FBXO3: variants seen among roughly 807,000 people sequenced by gnomAD.
FBXO3 encodes the protein F-box protein 3.
FBXO3 carries 17 observed loss-of-function variants against 64.8 expected under a neutral mutation model. The ratio of observed to expected loss-of-function variants is 0.26; its 90% CI spans 0.18 to 0.39. The LOEUF (loss-of-function observed/expected upper bound fraction) is 0.39, where lower values mean the gene tolerates loss of function less well. FBXO3 is among the 10% of genes least tolerant of loss of function. The pLI is 1.00. For synonymous variants in FBXO3, 182 were observed against 201.6 expected, an observed-to-expected ratio of 0.90 and a Z score of 0.82; for missense variants, 420 against 589.9, an observed-to-expected ratio of 0.71 and a Z score of 2.98.
intron 8 of FBXO3, among the ~76,000 whole-genome samples, chr11:33,750,321 C>T (rs1199307578): frequency 6.6e-6 from 1 of 152,190 alleles, no homozygotes; most frequent in Non-Finnish European, 1.5e-5. Context: ...ATACTTGATA[C>T]CCAGTATATT....
intron 8 of FBXO3, 53 bp downstream of exon 8, chr11:33,750,486 C>T: frequency 6.3e-7 from 1 of 1,593,770 alleles, no homozygotes. Context: ...GCAACATGTC[C>T]ATTGGATATA....
At chr11:33,773,113 C>A (rs1564997339) in intron 1 of FBXO3, 1 of 152,006 alleles carries the variant, frequency 6.6e-6, no homozygotes, top group Non-Finnish European at 1.5e-5. Context: ...CTTAGATATA[C>A]AAGCCAGATG....
At chr11:33,758,402 G>C (rs1855160702) in intron 4 of FBXO3, 85 bp downstream of exon 4, 3 of 914,964 alleles carry the variant, frequency 3.3e-6, no homozygotes, top group Non-Finnish European at 4.9e-6. Context: ...AATTTGTTAA[G>C]GGTAACTACA....
intron 10 of FBXO3, chr11:33,745,053 A>C (rs1199975409): frequency 6.6e-6 from 1 of 152,168 alleles, no homozygotes; most frequent in Non-Finnish European, 1.5e-5. Context: ...GCCTGCCAAA[A>C]CACACCTCAA....
At chr11:33,751,998 A>G (rs756752747) in intron 6 of FBXO3, among the ~76,000 whole-genome samples, 4 of 152,274 alleles carry the variant, frequency 2.6e-5, no homozygotes, top group Non-Finnish European at 5.9e-5. Context: ...CAAGAAAAAT[A>G]TCAGCACCTA....
At chr11:33,771,368 C>T (rs1522088) in intron 1 of FBXO3, 5,786 of 152,306 alleles carry the variant, frequency 0.038, 249 homozygotes, top group East Asian at 0.18. Context: ...GTGCCTGAAT[C>T]GTAACAGTTC....
intron 8 of FBXO3, among the ~76,000 whole-genome samples, chr11:33,749,108 T>C (rs749107222): frequency 4.6e-5 from 7 of 152,236 alleles, no homozygotes; most frequent in Non-Finnish European, 7.3e-5. Context: ...ACTCAACTTA[T>C]GCATTTGACT....
chr11:33,763,097 G>A, intron 3 of FBXO3: 1 of 198,104 alleles, frequency 5.0e-6, no homozygotes, highest in Non-Finnish European at 1.1e-5. Context: ...ATCTAATAAA[G>A]GAATTGAATC....
At chr11:33,767,455 A>G (rs567086746) in intron 3 of FBXO3, among the ~76,000 whole-genome samples, 1 of 152,200 alleles carries the variant, frequency 6.6e-6, no homozygotes, top group Non-Finnish European at 1.5e-5. Context: ...GCATGCCACC[A>G]CGCCTGGCTA....
At chr11:33,748,350 A>C (rs1339544037) in intron 9 of FBXO3, among the ~76,000 whole-genome samples, 3 of 152,240 alleles carry the variant, frequency 2.0e-5, no homozygotes, top group Non-Finnish European at 4.4e-5. Flanking sequence ...TCAAACCTGA[A>C]GCATCTGAGG....
At chr11:33,768,753 C>T in intron 3 of FBXO3, 98 bp downstream of exon 3, 2 of 1,426,970 alleles carry the variant, frequency 1.4e-6, no homozygotes, top group Non-Finnish European at 2.0e-6. Flanking sequence ...GTTGGGTTAA[C>T]ACAGTTGCGT....
At chr11:33,765,127 A>G (rs757965103) in intron 3 of FBXO3, among the ~76,000 whole-genome samples, 11 of 152,182 alleles carry the variant, frequency 7.2e-5, no homozygotes, top group Non-Finnish European at 1.0e-4. Flanking sequence ...AAATCGGGGG[A>G]AATTCAAGTG....
At chr11:33,760,488 A>C (rs1252818913) in intron 3 of FBXO3, among the ~76,000 whole-genome samples, 1 of 151,524 alleles carries the variant, frequency 6.6e-6, no homozygotes, top group Non-Finnish European at 1.5e-5. Context: ...AAAAAAAAAA[A>C]CCTTAAAAAT....
chr11:33,769,540 C>G (rs138403881), intron 2 of FBXO3, among the ~76,000 whole-genome samples: 1 of 152,066 alleles, frequency 6.6e-6, no homozygotes, highest in Non-Finnish European at 1.5e-5. Flanking sequence ...AAATAAGGCA[C>G]ATTTTTTACC....
At chr11:33,768,711 T>C (rs754247969) in intron 3 of FBXO3, 140 bp downstream of exon 3, 19 of 972,110 alleles carry the variant, frequency 2.0e-5, no homozygotes, top group Non-Finnish European at 2.8e-5. Context: ...CCTACTTCCA[T>C]GGCCAAATAT....
intron 4 of FBXO3, among the ~76,000 whole-genome samples, chr11:33,757,569 A>G (rs1027773066): frequency 1.4e-5 from 2 of 142,736 alleles, no homozygotes; most frequent in Non-Finnish European, 3.0e-5. Context: ...TTGTAGCCCC[A>G]GCTACTTGGG....
chr11:33,774,326 C>A, intron 1 of FBXO3, 68 bp downstream of exon 1: 1 of 1,352,280 alleles, frequency 7.4e-7, no homozygotes, highest in South Asian at 1.3e-5. Flanking sequence ...GCCCCGACCC[C>A]CTTTCCCCCT....
At chr11:33,762,655 T>G (rs1339260696) in intron 3 of FBXO3, among the ~76,000 whole-genome samples, 3 of 151,238 alleles carry the variant, frequency 2.0e-5, no homozygotes, top group African/African-American at 7.3e-5. Context: ...AGTGGGAAAT[T>G]TAGAGCTCTA....
intron 3 of FBXO3, among the ~76,000 whole-genome samples, chr11:33,759,267 C>T (rs1855185513): frequency 6.6e-6 from 1 of 152,146 alleles, no homozygotes; most frequent in Admixed American, 6.5e-5. Context: ...AAGAGAGAGA[C>T]TGAGAGGTGG....
Sources: allele counts gnomAD v4.1 joint callset (sites outside exome capture counted in the v4.1 genomes callset), GRCh38; gene constraint gnomAD v4.1.1; transcripts MANE v1.5; gene names NCBI Gene and HGNC (gene_info 2026-07-23, HGNC 2026-07-21).